SEC63: variants seen among roughly 807,000 people sequenced by gnomAD.
SEC63 encodes translocation protein SEC63 homolog.
In SEC63, 56 loss-of-function variants were observed where a neutral mutation model predicts 116.2. The ratio of observed to expected loss-of-function variants is 0.48; its 90% CI spans 0.39 to 0.60. The LOEUF is 0.60. Among genes scored for constraint, SEC63 ranks in the 20% least tolerant of loss-of-function variants. The pLI, the probability that SEC63 is intolerant of heterozygous loss-of-function variation, is 0.00. For synonymous variants in SEC63, 273 were observed against 294.6 expected, an observed-to-expected ratio of 0.93 and a Z score of 0.75; for missense variants, 668 against 900.0, an observed-to-expected ratio of 0.74 and a Z score of 3.30.
Position 107,921,906 on chromosome 6 carries a change from C to T in SEC63, c.343G>A (p.Ala115Thr). ...TGTTTTTTAATTTCTGCTACTGTGG[C>T]TCCCTGGGGAAAAACAAAAAAAAAA... is the stretch of plus-strand genomic sequence containing the variant. The part of the protein sequence containing the change: ...PYEVLNLDPG[A>T]TVAEIKKQYR... Residue 115 changes from alanine (A) to threonine (T), a missense_variant, in exon 4 of 21, where the codon GCC becomes ACC. Transcript: ENST00000369002. 1 of 1,287,500 alleles carries T rather than the reference C, an allele frequency of 7.8e-7. No homozygotes were observed. The highest frequency in any genetic ancestry group is 1.1e-6 in the Non-Finnish European group (1 of 946,854). The allele number at this position is 1,287,500 out of a possible 1,614,324, so 79.8% of individuals were successfully genotyped here. A position where few individuals can be genotyped will look rare whatever the true frequency, so the allele number is the denominator to read the frequency against.
chr6:107,933,736 C>T lies in SEC63; in HGVS notation c.125-4222G>A, dbSNP rs930097781. Among the ~76,000 whole-genome samples the T allele has an allele frequency of 9.2e-5, 14 of 151,718 alleles. 1 individual carries two copies. Among genetic ancestry groups the T allele is most frequent in the Non-Finnish European group, 1.3e-4 (9 of 67,906 alleles). Reference sequence around the variant, plus strand: ...TCTCCCCACGGCCCACGGTCTCCCTCTCCCTCTCTTTCCACGGTCTCCCTC... The same window carrying T: ...TCTCCCCACGGCCCACGGTCTCCCTTTCCCTCTCTTTCCACGGTCTCCCTC... On this transcript the variant is annotated intron_variant, in intron 1 of 20. Transcript: ENST00000369002.
chr6:107,891,512 CT>C (rs1462030490), intron 16 of SEC63, among the ~76,000 whole-genome samples: 1 of 151,992 alleles, frequency 6.6e-6, no homozygotes, highest in African/African-American at 2.4e-5. Context: ...GAACATGCTC[CT>C]TTAGCTTGGA....
chr6:107,873,051 G>C, intron 19 of SEC63, 139 bp from the exon 20 acceptor site: 1 of 667,302 alleles, frequency 1.5e-6, no homozygotes, highest in South Asian at 1.7e-5. Flanking sequence ...TGTTACTAAA[G>C]TCCTTATAAA....
At chr6:107,897,949 T>C (rs1244776464) in intron 13 of SEC63, among the ~76,000 whole-genome samples, 1 of 152,210 alleles carries the variant, frequency 6.6e-6, no homozygotes, top group Non-Finnish European at 1.5e-5. Context: ...AAAATAGCTC[T>C]ACAAAGTATT....
chr6:107,915,370 G>A (rs753469548), intron 4 of SEC63, among the ~76,000 whole-genome samples: 7 of 152,064 alleles, frequency 4.6e-5, no homozygotes, highest in Non-Finnish European at 8.8e-5. Flanking sequence ...CATAAATCTT[G>A]ATCTAGAGAA....
At chr6:107,910,622 C>A (rs151249889) in intron 7 of SEC63, among the ~76,000 whole-genome samples, 2 of 151,950 alleles carry the variant, frequency 1.3e-5, no homozygotes, top group African/African-American at 4.8e-5. Context: ...CATATATGCA[C>A]GTGTCATGCA....
rs1787039111 is a variant in SEC63 at position 107,902,863 on chromosome 6, C to T, written c.1190G>A (p.Arg397Gln). ...AATTACCTTCTTATGATTAGAAACC[C>T]GTCTAAGATTGTCCTCTTCAATATG... ...LPHIEEDNLR[R>Q]VSNHKKYKIK... The change falls in exon 12 of 21, where the codon CGG (arginine) becomes CAG (glutamine). Residue 397 changes from arginine to glutamine, a missense_variant. By Grantham distance (43) the Arg-to-Gln change is conservative (BLOSUM62 1). This residue lies in a region of SEC63 where 430 missense variants were observed against 557.5 expected (regional missense o/e 0.77). Coordinates refer to ENST00000369002, the MANE Select transcript of SEC63 (RefSeq NM_007214.5). 11 of 1,613,754 alleles carry T rather than the reference C, an allele frequency of 6.8e-6. No individual in the cohort carries two copies. Among genetic ancestry groups the T allele is most frequent in the African/African-American group, 2.7e-5 (2 of 74,868 alleles).
chr6:107,909,204 C>A, intron 7 of SEC63, 169 bp from the exon 8 acceptor site: 1 of 549,232 alleles, frequency 1.8e-6, no homozygotes, highest in South Asian at 1.8e-5. Context: ...CCTGTCTCTA[C>A]AAAAGAAAAA....
At chr6:107,921,981 C>A in intron 3 of SEC63, 72 bp from the exon 4 acceptor site, 1 of 893,382 alleles carries the variant, frequency 1.1e-6, no homozygotes. Context: ...AAGAAATAAT[C>A]AATCCTATTT....
At chr6:107,924,756 G>A (rs1787638201) in intron 3 of SEC63, 62 bp downstream of exon 3, 5 of 808,074 alleles carry the variant, frequency 6.2e-6, no homozygotes, top group South Asian at 4.1e-5. Context: ...TTTAGAATGA[G>A]GACCTATAGC....
At chr6:107,877,039 T>A (rs1049999639) in intron 18 of SEC63, 2 of 224,310 alleles carry the variant, frequency 8.9e-6, no homozygotes, top group African/African-American at 2.4e-5. Context: ...AGCCACAAAG[T>A]TGGAGTGGAA....
At position 107,908,839 on chromosome 6, in the gene SEC63, A is replaced by C; in HGVS notation, c.733+88T>G. Reference sequence around the variant, plus strand: ...TTATAAAACTGTACAATAGAATCTCAACAGTATAGAGTTAAGGAATATATA... The same window carrying C: ...TTATAAAACTGTACAATAGAATCTCCACAGTATAGAGTTAAGGAATATATA... On this transcript the variant is annotated intron_variant, in intron 8 of 20. Coordinates refer to ENST00000369002, the MANE Select transcript of SEC63 (RefSeq NM_007214.5). 3 of 740,230 alleles carry C rather than the reference A, an allele frequency of 4.1e-6. No homozygotes were observed. In the South Asian group the frequency reaches 4.5e-5, roughly 11 times the overall value. The allele number at this position is 740,230 out of a possible 1,614,324, so 45.9% of individuals were successfully genotyped here. A position where few individuals can be genotyped will look rare whatever the true frequency, so the allele number is the denominator to read the frequency against.
chr6:107,881,380 G>C, intron 17 of SEC63, 130 bp from the exon 18 acceptor site: 1 of 671,578 alleles, frequency 1.5e-6, no homozygotes, highest in Non-Finnish European at 2.6e-6. Context: ...TCACAAATCT[G>C]ATCATCTCCC....
intron 1 of SEC63, among the ~76,000 whole-genome samples, chr6:107,951,972 C>CAA (rs796395901): frequency 9.9e-6 from 1 of 100,968 alleles, no homozygotes. Context: ...GACTCCATCT[C>CAA]AAAAAAAAAA....
intron 4 of SEC63, among the ~76,000 whole-genome samples, chr6:107,917,608 A>G (rs1162392181): frequency 1.3e-5 from 2 of 152,228 alleles, no homozygotes; most frequent in African/African-American, 2.4e-5. Context: ...AACAGCGCTT[A>G]AAGGAACTTA....
At chr6:107,906,128 C>G (rs1787143188) in intron 10 of SEC63, among the ~76,000 whole-genome samples, 2 of 152,088 alleles carry the variant, frequency 1.3e-5, no homozygotes, top group African/African-American at 4.8e-5. Flanking sequence ...TCTCACAAGA[C>G]CTGGTTGTTT....
intron 16 of SEC63, among the ~76,000 whole-genome samples, chr6:107,890,471 T>C (rs1250099977): frequency 6.6e-6 from 1 of 152,234 alleles, no homozygotes; most frequent in Non-Finnish European, 1.5e-5. Flanking sequence ...TCTTTTCACG[T>C]GAGATGGGTC....
In SEC63 at chr6:107,874,317, G is replaced by T. The variant is rs560751063; in HGVS notation, c.2035-1405C>A. ...AAGATTAAAAAAGAACAAGGAAGCC[G>T]GGCACGGTGGCTCACGCCTGTAATC... On this transcript the variant is annotated intron_variant, in intron 19 of 20. Transcript: ENST00000369002. Among the ~76,000 whole-genome samples, 7 of 152,214 alleles carry T rather than the reference G, an allele frequency of 4.6e-5. No individual in the cohort carries two copies. In the East Asian group the frequency reaches 1.2e-3, roughly 25 times the overall value.
At chr6:107,878,158 A>G (rs1489432951) in intron 18 of SEC63, among the ~76,000 whole-genome samples, 1 of 152,274 alleles carries the variant, frequency 6.6e-6, no homozygotes, top group East Asian at 1.9e-4. Flanking sequence ...ACAGGAAGGC[A>G]GCCAGATCTG....
Sources: allele counts gnomAD v4.1 joint callset (sites outside exome capture counted in the v4.1 genomes callset), GRCh38; gene constraint gnomAD v4.1.1; regional missense constraint gnomAD v4.1.1; transcripts MANE v1.5; gene names NCBI Gene and HGNC (gene_info 2026-07-23, HGNC 2026-07-21).